PPP4R1: variants seen among roughly 807,000 people sequenced by gnomAD.
PPP4R1 encodes protein phosphatase 4 regulatory subunit 1, also known as serine/threonine-protein phosphatase 4 regulatory subunit 1.
In PPP4R1, 42 loss-of-function variants were observed where a neutral mutation model predicts 111.2. The ratio of observed to expected loss-of-function variants is 0.38; its 90% CI spans 0.29 to 0.49. The LOEUF (loss-of-function observed/expected upper bound fraction) is 0.49, where lower values mean the gene tolerates loss of function less well. PPP4R1 is among the 20% of genes least tolerant of loss of function. The pLI is 0.97. For missense variants in PPP4R1, 1,012 were observed against 1,161.6 expected (o/e 0.87, Z 1.87); for synonymous variants, 409 against 405.5 (o/e 1.01, Z -0.10).
At chr18:9,605,265 C>T (rs913361877) in intron 2 of PPP4R1, among the ~76,000 whole-genome samples, 1 of 151,956 alleles carries the variant, frequency 6.6e-6, no homozygotes, top group Non-Finnish European at 1.5e-5. Context: ...AATATACCAA[C>T]AAATGAATAG....
At chr18:9,570,915 A>G (rs144236417) in intron 10 of PPP4R1, among the ~76,000 whole-genome samples, 118 of 152,318 alleles carry the variant, frequency 7.7e-4, no homozygotes, top group African/African-American at 2.6e-3. Context: ...GTCAAGCAAT[A>G]TATATTAGTT....
chr18:9,586,093 G>A (rs1438162846), intron 6 of PPP4R1, among the ~76,000 whole-genome samples: 2 of 151,642 alleles, frequency 1.3e-5, no homozygotes, highest in African/African-American at 4.8e-5. Flanking sequence ...CACTGATGTA[G>A]CATAACTAAA....
intron 15 of PPP4R1, among the ~76,000 whole-genome samples, chr18:9,555,544 C>T (rs567071440): frequency 1.2e-4 from 18 of 152,226 alleles, no homozygotes; most frequent in East Asian, 1.2e-3. Flanking sequence ...TCAGCCTTCT[C>T]GTCACCAATG....
intron 2 of PPP4R1, among the ~76,000 whole-genome samples, chr18:9,610,889 C>A (rs1447668422): frequency 1.3e-5 from 2 of 152,004 alleles, no homozygotes; most frequent in African/African-American, 4.8e-5. Flanking sequence ...CACACACACA[C>A]ACACACAAAT....
chr18:9,601,720 T>C (rs2067386440), intron 2 of PPP4R1, among the ~76,000 whole-genome samples: 1 of 152,042 alleles, frequency 6.6e-6, no homozygotes, highest in Non-Finnish European at 1.5e-5. Flanking sequence ...CTTGAACTCC[T>C]GGTCTCAAGT....
chr18:9,570,746 G>C, intron 10 of PPP4R1, 63 bp from the exon 11 acceptor site: 1 of 1,459,942 alleles, frequency 6.8e-7, no homozygotes, highest in Non-Finnish European at 9.1e-7. Context: ...TAAAAAAACT[G>C]ATGAAAGATA....
chr18:9,560,448 A>G (rs1490220809), intron 13 of PPP4R1, among the ~76,000 whole-genome samples: 1 of 152,150 alleles, frequency 6.6e-6, no homozygotes, highest in Non-Finnish European at 1.5e-5. Flanking sequence ...TATAAAAGAA[A>G]GGTAAAACTG....
In PPP4R1 at chr18:9,614,325, C is replaced by T; in HGVS notation, c.8-55G>A. On this transcript the variant is annotated intron_variant, in intron 1 of 19. Transcript: ENST00000400556. The surrounding 1 kb of genome is among the most constrained non-coding windows in gnomAD (Gnocchi z 4.1). ...GTCAGCGCCCCGGGGCCCGGCGCGA[C>T]GCCCCCCCCCCGCCCGCCTCCCCCC... 2.7e-6 allele frequency: 3 copies of T among 1,110,818 alleles called. No homozygotes were observed. The highest frequency in any genetic ancestry group is 1.7e-5 in the African/African-American group (1 of 57,308). 68.8% of individuals were successfully genotyped at this position (1,110,818 alleles called of 1,614,324 possible).
chr18:9,562,461 T>C lies in PPP4R1; in HGVS notation c.1747-386A>G, dbSNP rs571932240. 3.8e-4 allele frequency among the ~76,000 whole-genome samples: 58 copies of C among 152,308 alleles called. 1 individual carries two copies. The highest frequency in any genetic ancestry group is 1.3e-3 in the African/African-American group (55 of 41,558). On this transcript the variant is annotated intron_variant, in intron 12 of 19. Transcript: ENST00000400556. ...CTATTTCTATTCTTGGCTGTTAATA[T>C]CTAATTTCACAAATTATATATATGT...
At chr18:9,611,881 C>G (rs577677657) in intron 2 of PPP4R1, among the ~76,000 whole-genome samples, 1 of 152,234 alleles carries the variant, frequency 6.6e-6, no homozygotes, top group African/African-American at 2.4e-5. Context: ...CGTGGTGGCA[C>G]ACGCCTGTAA....
chr18:9,564,732 GTGT>G (rs1568094818), intron 11 of PPP4R1, among the ~76,000 whole-genome samples: 4 of 41,010 alleles, frequency 9.8e-5, no homozygotes, highest in African/African-American at 1.5e-4. Context: ...GTGTGTGTGT[GTGT>G]GTGGGGGTAT....
intron 10 of PPP4R1, among the ~76,000 whole-genome samples, chr18:9,573,492 A>G (rs145062886): frequency 1.2e-4 from 19 of 152,382 alleles, no homozygotes; most frequent in African/African-American, 4.3e-4. Context: ...CTAAAATTTT[A>G]AAATTATAAT....
At chr18:9,581,880 G>C (rs2067034991) in intron 9 of PPP4R1, among the ~76,000 whole-genome samples, 2 of 152,084 alleles carry the variant, frequency 1.3e-5, no homozygotes, top group Admixed American at 1.3e-4. Flanking sequence ...ATTAACCGCT[G>C]ACTTCACAGT....
chr18:9,565,183 G>C (rs746391519), intron 11 of PPP4R1, among the ~76,000 whole-genome samples: 14 of 152,112 alleles, frequency 9.2e-5, no homozygotes, highest in Non-Finnish European at 2.1e-4. Flanking sequence ...GGTGATCTGT[G>C]ATCAGTGATC....
intron 2 of PPP4R1, among the ~76,000 whole-genome samples, chr18:9,599,989 C>A (rs2067353523): frequency 6.6e-6 from 1 of 152,042 alleles, no homozygotes; most frequent in Non-Finnish European, 1.5e-5. Flanking sequence ...GGCTCAGGAG[C>A]ATTTATTTTT....
chr18:9,569,088 C>T (rs1370855418), intron 11 of PPP4R1, among the ~76,000 whole-genome samples: 3 of 150,570 alleles, frequency 2.0e-5, no homozygotes, highest in Non-Finnish European at 3.0e-5. Context: ...CCCAGCTACT[C>T]GGGAAGCTGA....
Position 9,593,858 on chromosome 18 carries a change from T to C in PPP4R1, c.205A>G (p.Ser69Gly), listed in dbSNP as rs2145251463. 4 of 1,613,392 alleles carry C rather than the reference T, an allele frequency of 2.5e-6. No individual in the cohort carries two copies. The highest frequency in any genetic ancestry group is 2.5e-6 in the Non-Finnish European group (3 of 1,179,794). ...NIFNRQMVAR[S>G]LLDTLREVCD... Reference sequence around the variant, plus strand: ...ACTTCCCTCAAGGTATCGAGCAAACTCCGGGCCACCATTTGTCTACACAAA... The same window carrying C: ...ACTTCCCTCAAGGTATCGAGCAAACCCCGGGCCACCATTTGTCTACACAAA... Residue 69 changes from serine to glycine, a missense_variant, in exon 4 of 20, where the codon AGT becomes GGT. This residue lies in a region of PPP4R1 where 707 missense variants were observed against 742.1 expected (regional missense o/e 0.95). Transcript: ENST00000400556.
chr18:9,612,622 T>A (rs2067601090), intron 2 of PPP4R1: 1 of 152,218 alleles, frequency 6.6e-6, no homozygotes, highest in Admixed American at 6.5e-5. Context: ...GAATCTTCTA[T>A]TTACGAAGTC....
Position 9,550,368 on chromosome 18 carries a change from A to G in PPP4R1, c.2322T>C (p.Ser774=), listed in dbSNP as rs186815897. 102 of 1,604,474 alleles carry G rather than the reference A, an allele frequency of 6.4e-5. 1 individual carries two copies. The African/African-American group carries it at 1.2e-3, about 19-fold the overall frequency. Residue 774 remains serine, a synonymous_variant, in exon 17 of 20, where the codon AGT becomes AGC. Transcript: ENST00000400556. ...GTAAATAGTCATAAACATCTCTGGG[A>G]CTATATAACTCTAGAAGTAAAATCA... ...EQLILLLELY[S]PRDVYDYLRP...
Sources: gnomAD v4.1 joint callset for allele counts (sites outside exome capture counted in the v4.1 genomes callset) on GRCh38, gnomAD v4.1.1 for gene constraint, gnomAD v4.1.1 regional missense constraint, Gnocchi (gnomAD v3.1) non-coding constraint, MANE v1.5 for transcripts, NCBI Gene and HGNC (gene_info 2026-07-23, HGNC 2026-07-21) for gene names.